Variants in PTPRN2 observed in about 807,000 individuals in gnomAD.
PTPRN2 encodes receptor-type tyrosine-protein phosphatase N2.
Under a neutral mutation model 118.8 loss-of-function variants are expected in PTPRN2, and 74 were observed. The observed-to-expected ratio is 0.62, with a 90% CI of 0.52 to 0.76. The LOEUF (loss-of-function observed/expected upper bound fraction) is 0.76. Among genes scored for constraint, PTPRN2 ranks in the 30% least tolerant of loss-of-function variants. The pLI, the probability that PTPRN2 is intolerant of heterozygous loss-of-function variation, is 0.00. For missense variants in PTPRN2, 1,481 were observed against 1,394.4 expected (o/e 1.06, Z -0.99); for synonymous variants, 641 against 608.0 (o/e 1.05, Z -0.80).
At chr7:157,699,223 G>C (rs1797952945) in intron 12 of PTPRN2, among the ~76,000 whole-genome samples, 1 of 152,168 alleles carries the variant, frequency 6.6e-6, no homozygotes, top group Non-Finnish European at 1.5e-5. Context: ...AAGTGCCTAT[G>C]TATATTTTAA....
chr7:158,262,543 TCA>T (rs1292958335), intron 3 of PTPRN2, among the ~76,000 whole-genome samples: 10 of 110,244 alleles, frequency 9.1e-5, no homozygotes, highest in South Asian at 6.2e-4. Context: ...ATACACACAT[TCA>T]CACACTGCAC....
chr7:157,812,211 G>T, intron 12 of PTPRN2, among the ~76,000 whole-genome samples: 1 of 152,302 alleles, frequency 6.6e-6, no homozygotes, highest in Admixed American at 6.5e-5. Flanking sequence ...TGTGAGGTCC[G>T]CTCATTAGAT....
rs145134558 is a variant in PTPRN2 at position 157,912,291 on chromosome 7, C to T, written c.1724-13554G>A. Among the ~76,000 whole-genome samples, 644 of 152,276 alleles carry T rather than the reference C, an allele frequency of 4.2e-3. 8 individuals are homozygous for T. Among genetic ancestry groups the T allele is most frequent in the African/African-American group, 0.015 (617 of 41,552 alleles). ...GATAATTCATCAGTTTGTGCATCTT[C>T]GTGTATGTTTATTCATCATTCATGC... On this transcript the variant is annotated intron_variant, in intron 11 of 22. Transcript: ENST00000389418.
At chr7:158,364,147 C>T (rs1809240939) in intron 2 of PTPRN2, among the ~76,000 whole-genome samples, 1 of 151,268 alleles carries the variant, frequency 6.6e-6, no homozygotes, top group South Asian at 2.1e-4. Context: ...GTCTGCAGAG[C>T]CCCCATCCTC....
chr7:157,718,653 T>C (rs10269687), intron 12 of PTPRN2, among the ~76,000 whole-genome samples: 27 of 113,458 alleles, frequency 2.4e-4, no homozygotes, highest in South Asian at 8.6e-4. Flanking sequence ...AGTCTCAGCA[T>C]GTCCAGGCAT....
chr7:158,506,639 G>T (rs1010457828), intron 1 of PTPRN2, among the ~76,000 whole-genome samples: 1 of 151,916 alleles, frequency 6.6e-6, no homozygotes, highest in Non-Finnish European at 1.5e-5. Context: ...GGCCACCAAG[G>T]CAGTGGTGTG....
intron 13 of PTPRN2, among the ~76,000 whole-genome samples, chr7:157,668,151 C>T (rs60443200): frequency 0.087 from 13,202 of 152,302 alleles, 806 homozygotes; most frequent in East Asian, 0.22. Flanking sequence ...TGGGCGTGTC[C>T]GCAGAGTCCT....
At chr7:158,355,892 G>A (rs971535860) in intron 2 of PTPRN2, among the ~76,000 whole-genome samples, 1 of 152,178 alleles carries the variant, frequency 6.6e-6, no homozygotes. Flanking sequence ...CTTGCCAAAG[G>A]CTGATGATGA....
At chr7:157,955,278 G>GT (rs1406456685) in intron 11 of PTPRN2, among the ~76,000 whole-genome samples, 1 of 152,118 alleles carries the variant, frequency 6.6e-6, no homozygotes, top group Non-Finnish European at 1.5e-5. Context: ...TGGATCACAG[G>GT]TAATTTGGTG....
At position 157,615,510 on chromosome 7, in the gene PTPRN2, C is replaced by T. The variant is rs992996538; in HGVS notation, c.2344+5852G>A. The T allele has an allele frequency of 3.6e-5, 17 of 471,086 alleles. No individual in the cohort carries two copies. Among genetic ancestry groups the T allele is most frequent in the African/African-American group, 8.0e-5 (4 of 50,088 alleles). The allele number at this position is 471,086 out of a possible 1,614,324, so 29.2% of individuals were successfully genotyped here. On this transcript the variant is annotated intron_variant, in intron 15 of 22. Coordinates refer to ENST00000389418, the MANE Select transcript of PTPRN2 (RefSeq NM_002847.5). The surrounding 1 kb of genome is among the most constrained non-coding windows in gnomAD (Gnocchi z 4.3). Reference sequence around the variant, plus strand: ...TGCCAATATGCTCGGGACCTGGGGACGGCTGGGGTGACCCCATCGCAAGGC... The same window carrying T: ...TGCCAATATGCTCGGGACCTGGGGATGGCTGGGGTGACCCCATCGCAAGGC...
At chr7:158,300,396 C>T (rs1009873464) in intron 3 of PTPRN2, among the ~76,000 whole-genome samples, 1 of 152,002 alleles carries the variant, frequency 6.6e-6, no homozygotes, top group Admixed American at 6.6e-5. Context: ...TCGCCAGGGG[C>T]CTGTGTGCAG....
At chr7:158,042,699 C>A (rs534918013) in intron 11 of PTPRN2, among the ~76,000 whole-genome samples, 2 of 152,254 alleles carry the variant, frequency 1.3e-5, no homozygotes, top group Admixed American at 1.3e-4. Flanking sequence ...GAGCCACAGC[C>A]GGCTGATAGA....
At chr7:157,837,470 T>C (rs575406511) in intron 12 of PTPRN2, among the ~76,000 whole-genome samples, 58 of 151,320 alleles carry the variant, frequency 3.8e-4, no homozygotes, top group Non-Finnish European at 7.2e-4. Flanking sequence ...GCTGTTTTGA[T>C]GCAGAGTCAT....
intron 10 of PTPRN2, among the ~76,000 whole-genome samples, chr7:158,108,789 C>G (rs924372035): frequency 6.6e-6 from 1 of 152,254 alleles, no homozygotes; most frequent in East Asian, 1.9e-4. Context: ...TAATAAATGG[C>G]AGAATTGAGG....
At chr7:157,725,518 C>T (rs1477709971) in intron 12 of PTPRN2, among the ~76,000 whole-genome samples, 10 of 25,200 alleles carry the variant, frequency 4.0e-4, no homozygotes, top group African/African-American at 1.2e-3. Context: ...CAGAGGACGG[C>T]GGCCAGACCC....
At chr7:158,441,075 GT>G (rs1817061764) in intron 2 of PTPRN2, among the ~76,000 whole-genome samples, 1 of 141,238 alleles carries the variant, frequency 7.1e-6, no homozygotes, top group Middle Eastern at 3.3e-3. Context: ...GGTAGTGATG[GT>G]GGTGCTGGTG....
intron 6 of PTPRN2, among the ~76,000 whole-genome samples, chr7:158,148,440 C>T (rs1200076854): frequency 1.3e-4 from 18 of 133,516 alleles, no homozygotes; most frequent in African/African-American, 5.1e-4. Context: ...CCTTCAATGA[C>T]ACCCCATCTC....
intron 5 of PTPRN2, among the ~76,000 whole-genome samples, chr7:158,189,071 C>G (rs1413068264): frequency 1.3e-5 from 2 of 152,312 alleles, no homozygotes; most frequent in South Asian, 2.1e-4. Flanking sequence ...TGGGGCATCA[C>G]TAGGATACCT....
At chr7:157,696,611 C>T (rs1394300189) in intron 12 of PTPRN2, among the ~76,000 whole-genome samples, 1 of 144,890 alleles carries the variant, frequency 6.9e-6, no homozygotes, top group Non-Finnish European at 1.5e-5. Context: ...TTAGTAGAGC[C>T]CTCACCATCT....
Sources: gnomAD v4.1 joint callset for allele counts (sites outside exome capture counted in the v4.1 genomes callset) on GRCh38, gnomAD v4.1.1 for gene constraint, Gnocchi (gnomAD v3.1) non-coding constraint, MANE v1.5 for transcripts, NCBI Gene and HGNC (gene_info 2026-07-23, HGNC 2026-07-21) for gene names.